The following AIF1L variants were observed in gnomAD, a reference collection of about 807,000 sequenced individuals.
AIF1L encodes the protein allograft inflammatory factor 1-like.
A neutral mutation model predicts 20.7 loss-of-function variants in AIF1L; 12 were observed. The ratio of observed to expected loss-of-function variants is 0.58; its 90% confidence interval spans 0.37 to 0.94. The LOEUF is 0.94. Ranked by LOEUF, AIF1L falls within the 40% of genes least tolerant of loss-of-function variation. AIF1L has a pLI of 0.01. For missense variants in AIF1L, 173 were observed against 185.3 expected (o/e 0.93, Z 0.39); for synonymous variants, 76 against 65.1 (o/e 1.17, Z -0.81).
At chr9:131,119,703 G>A (rs1831095236) in intron 5 of AIF1L, among the ~76,000 whole-genome samples, 1 of 152,172 alleles carries the variant, frequency 6.6e-6, no homozygotes, top group African/African-American at 2.4e-5. Flanking sequence ...CCCACTTCCA[G>A]GGAGAAACGC....
intron 2 of AIF1L, chr9:131,102,979 G>A (rs769399063): frequency 3.9e-5 from 18 of 456,298 alleles, no homozygotes; most frequent in Non-Finnish European, 1.8e-5. Flanking sequence ...TTCGCCAGAA[G>A]GTGCTAGAGG....
chr9:131,104,852 T>G (rs951374761), intron 2 of AIF1L, among the ~76,000 whole-genome samples: 2 of 150,878 alleles, frequency 1.3e-5, no homozygotes, highest in African/African-American at 4.9e-5. Context: ...GGGCTATGAT[T>G]GTGCCACTGC....
chr9:131,118,457 A>C (rs1220808568), intron 5 of AIF1L, among the ~76,000 whole-genome samples: 1 of 152,040 alleles, frequency 6.6e-6, no homozygotes, highest in Non-Finnish European at 1.5e-5. Flanking sequence ...AGGCAGAATC[A>C]GTACTCAGTA....
At position 131,096,806 on chromosome 9, in the gene AIF1L, G is replaced by C; in HGVS notation, c.36G>C (p.Gly12=). The change falls in exon 2 of 6, where the codon GGG becomes GGC. Residue 12 remains glycine, a synonymous_variant. Transcript: ENST00000247291. The stretch of plus-strand genomic sequence containing the variant: ...CCGCCTCTTTGTCTCCTCCAGGAGG[G>C]AAGGCGTTCGGCTTGCTCAAAGCCC... The part of the protein sequence containing the change: ...SGELSNRFQG[G]KAFGLLKARQ... 6.5e-7 allele frequency: 1 copy of C among 1,534,916 alleles called. No individual in the cohort carries two copies. Among genetic ancestry groups the C allele is most frequent in the Middle Eastern group, 1.7e-4 (1 of 5,838 alleles).
chr9:131,106,120 C>T lies in AIF1L; in HGVS notation c.94-5477C>T, dbSNP rs149404200. On this transcript the variant is annotated intron_variant, in intron 2 of 5. Coordinates refer to ENST00000247291, the MANE Select transcript of AIF1L (RefSeq NM_031426.4). ...AGTGTCTACGATATGCTGGGCACTT[C>T]GACGCTAAACCTGTGGCTGGGGCCC... is the stretch of plus-strand genomic sequence containing the variant. 4.6e-3 allele frequency: 6,846 copies of T among 1,499,220 alleles called. 25 individuals are homozygous for T. The highest frequency in any genetic ancestry group is 5.5e-3 in the Non-Finnish European group (6,120 of 1,118,198). The allele number at this position is 1,499,220 out of a possible 1,614,324, so 92.9% of individuals were successfully genotyped here.
intron 2 of AIF1L, 54 bp downstream of exon 2, chr9:131,096,917 T>G: frequency 6.8e-7 from 1 of 1,479,778 alleles, no homozygotes; most frequent in Non-Finnish European, 8.9e-7. Context: ...GCTGCGCGGG[T>G]GCCACCTCTC....
In AIF1L at chr9:131,120,882, A is replaced by C; in HGVS notation, c.*560A>C. On this transcript the variant is annotated 3_prime_UTR_variant, in exon 6 of 6. Transcript: ENST00000247291. ...CCCCACTCATTCCACACCTCTTCTC[A>C]TCCTCAGTGATGTGAAGGTGGGAAG... The C allele has an allele frequency of 2.1e-6, 1 of 487,152 alleles. No homozygotes were observed. The highest frequency in any genetic ancestry group is 4.2e-5 in the South Asian group (1 of 23,870). 30.2% of individuals were successfully genotyped at this position (487,152 alleles called of 1,614,324 possible). A position where few individuals can be genotyped will look rare whatever the true frequency, so the allele number is the denominator to read the frequency against.
At chr9:131,108,556 C>G (rs932309727) in intron 2 of AIF1L, among the ~76,000 whole-genome samples, 2 of 152,134 alleles carry the variant, frequency 1.3e-5, no homozygotes, top group African/African-American at 4.8e-5. Flanking sequence ...CATGTTTTAA[C>G]TTGTAAAATG....
At chr9:131,114,336 G>A (rs958707682) in intron 3 of AIF1L, 3 of 506,186 alleles carry the variant, frequency 5.9e-6, no homozygotes, top group African/African-American at 5.8e-5. Flanking sequence ...AAGAGGGTCA[G>A]AGTGGCCCCC....
intron 2 of AIF1L, among the ~76,000 whole-genome samples, chr9:131,109,529 AG>A (rs2133389226): frequency 6.6e-6 from 1 of 152,314 alleles, no homozygotes; most frequent in South Asian, 2.1e-4. Context: ...ACTGGACTCC[AG>A]CCTGGGTGAC....
Position 131,122,574 on chromosome 9 carries a change from C to G in AIF1L, c.*2252C>G, listed in dbSNP as rs353509. 147,757 of 152,132 alleles carry G rather than the reference C, an allele frequency of 0.97. 71,921 individuals carry two copies. Among genetic ancestry groups the G allele is most frequent in the East Asian group, 1 (5,164 of 5,164 alleles). 9.4% of individuals were successfully genotyped at this position (152,132 alleles called of 1,614,324 possible). ...CTTTGAGGAAGATAAAGCCTTCCTT[C>G]ACTACCCATCATATTCAGTGTCCCT... is the stretch of plus-strand genomic sequence containing the variant. On this transcript the variant is annotated 3_prime_UTR_variant, in exon 6 of 6. Transcript: ENST00000247291.
At chr9:131,108,366 A>G (rs902974601) in intron 2 of AIF1L, among the ~76,000 whole-genome samples, 2 of 151,896 alleles carry the variant, frequency 1.3e-5, no homozygotes, top group Non-Finnish European at 2.9e-5. Context: ...TGCCCGGCTA[A>G]TTTTTGGACT....
At chr9:131,114,501 C>A in intron 3 of AIF1L, 76 bp from the exon 4 acceptor site, 1 of 1,551,062 alleles carries the variant, frequency 6.4e-7, no homozygotes, top group South Asian at 1.1e-5. Context: ...GTCATTTGCC[C>A]ACAAGGGAGC....
chr9:131,099,730 T>G (rs1027207601), intron 2 of AIF1L, among the ~76,000 whole-genome samples: 2 of 21,844 alleles, frequency 9.2e-5, no homozygotes, highest in African/African-American at 2.9e-4. Flanking sequence ...CAGCCTTAGC[T>G]TTTTTTTTTT....
At chr9:131,107,037 G>A (rs1463176706) in intron 2 of AIF1L, among the ~76,000 whole-genome samples, 1 of 152,160 alleles carries the variant, frequency 6.6e-6, no homozygotes, top group African/African-American at 2.4e-5. Flanking sequence ...AAGTTGCAGT[G>A]AGCTGAGATC....
intron 3 of AIF1L, chr9:131,114,282 T>C: frequency 2.5e-6 from 1 of 394,010 alleles, no homozygotes; most frequent in Non-Finnish European, 4.8e-6. Context: ...ATGCAGCTGG[T>C]CTGTGCTGCT....
At chr9:131,097,967 C>T (rs1830561364) in intron 2 of AIF1L, among the ~76,000 whole-genome samples, 1 of 152,236 alleles carries the variant, frequency 6.6e-6, no homozygotes, top group Non-Finnish European at 1.5e-5. Context: ...GGCATTCCCC[C>T]TGCAGGCTCC....
intron 2 of AIF1L, among the ~76,000 whole-genome samples, chr9:131,105,977 C>T (rs2133383668): frequency 6.6e-6 from 1 of 152,222 alleles, no homozygotes; most frequent in East Asian, 1.9e-4. Flanking sequence ...CACCACCACA[C>T]CCAGCTAATT....
chr9:131,106,097 T>C (rs1262016431), intron 2 of AIF1L: 3 of 1,393,236 alleles, frequency 2.2e-6, no homozygotes, highest in Admixed American at 2.2e-5. Flanking sequence ...GTTTATTGAG[T>C]GTCTACGATA....
Sources: allele counts gnomAD v4.1 joint callset (sites outside exome capture counted in the v4.1 genomes callset), GRCh38; gene constraint gnomAD v4.1.1; transcripts MANE v1.5; gene names NCBI Gene and HGNC (gene_info 2026-07-23, HGNC 2026-07-21).